SH3GL2: variants seen among roughly 807,000 people sequenced by gnomAD.
SH3GL2 encodes endophilin-A1.
A neutral mutation model predicts 46.0 loss-of-function variants in SH3GL2; 24 were observed. That is an observed-to-expected ratio of 0.52 (90% CI 0.38 to 0.73). SH3GL2 has a LOEUF of 0.73. SH3GL2 is among the 30% of genes least tolerant of loss of function. The pLI is 0.00. For missense variants in SH3GL2, 413 were observed against 424.2 expected, an observed-to-expected ratio of 0.97 and a Z score of 0.23; for synonymous variants, 196 against 147.1, an observed-to-expected ratio of 1.33 and a Z score of -2.40.
At chr9:17,609,530 A>G (rs1180970190) in intron 1 of SH3GL2, among the ~76,000 whole-genome samples, 1 of 152,138 alleles carries the variant, frequency 6.6e-6, no homozygotes, top group Non-Finnish European at 1.5e-5. Context: ...CTGCAGCTGT[A>G]GCCAGTGAGA....
At chr9:17,715,406 T>C (rs545908579) in intron 1 of SH3GL2, among the ~76,000 whole-genome samples, 1 of 151,920 alleles carries the variant, frequency 6.6e-6, no homozygotes, top group South Asian at 2.1e-4. Context: ...AAATTTTTTT[T>C]GTCTCTCTCC....
At position 17,795,574 on chromosome 9, in the gene SH3GL2, C is replaced by T; in HGVS notation, c.890C>T (p.Ala297Val). The T allele has an allele frequency of 1.2e-6, 2 of 1,614,008 alleles. No individual in the cohort carries two copies. Among genetic ancestry groups the T allele is most frequent in the Non-Finnish European group, 8.5e-7 (1 of 1,179,918 alleles). Residue 297 changes from alanine to valine, a missense_variant, in exon 9 of 9, where the codon GCT (alanine) becomes GTT (valine). Coordinates refer to ENST00000380607, the MANE Select transcript of SH3GL2 (RefSeq NM_003026.5). ...GVQMDQPCCR[A>V]LYDFEPENEG... Reference sequence around the variant, plus strand: ...CAAATGGATCAGCCCTGCTGCCGAGCTCTGTACGACTTTGAACCTGAAAAT... The same window carrying T: ...CAAATGGATCAGCCCTGCTGCCGAGTTCTGTACGACTTTGAACCTGAAAAT...
chr9:17,775,806 T>C (rs773654280), intron 3 of SH3GL2, among the ~76,000 whole-genome samples: 3 of 152,134 alleles, frequency 2.0e-5, no homozygotes, highest in Non-Finnish European at 2.9e-5. Flanking sequence ...AACATAAAGA[T>C]GTGACTTGGA....
chr9:17,596,355 A>G (rs1379661334), intron 1 of SH3GL2, among the ~76,000 whole-genome samples: 1 of 150,966 alleles, frequency 6.6e-6, no homozygotes, highest in African/African-American at 2.4e-5. Context: ...TTTTTTTTTC[A>G]GTTCCCTAAG....
At chr9:17,658,639 C>T (rs1052238215) in intron 1 of SH3GL2, among the ~76,000 whole-genome samples, 7 of 152,228 alleles carry the variant, frequency 4.6e-5, no homozygotes, top group Non-Finnish European at 1.0e-4. Context: ...TATTCGAGGG[C>T]AGCTTTAAGC....
intron 1 of SH3GL2, among the ~76,000 whole-genome samples, chr9:17,709,142 C>T (rs898419199): frequency 1.3e-5 from 2 of 151,994 alleles, no homozygotes; most frequent in African/African-American, 4.8e-5. Flanking sequence ...CTATGATTCT[C>T]TAGATTCTGC....
intron 1 of SH3GL2, among the ~76,000 whole-genome samples, chr9:17,696,697 C>A (rs749455879): frequency 8.5e-5 from 13 of 152,162 alleles, no homozygotes; most frequent in Non-Finnish European, 1.5e-4. Flanking sequence ...ATTCCATTAC[C>A]TCCTACTGGG....
chr9:17,673,303 C>A (rs1820520335), intron 1 of SH3GL2, among the ~76,000 whole-genome samples: 1 of 148,882 alleles, frequency 6.7e-6, no homozygotes, highest in South Asian at 2.1e-4. Context: ...CACGCACCAC[C>A]ATGCCTAGTT....
At chr9:17,753,073 G>T (rs921059441) in intron 2 of SH3GL2, among the ~76,000 whole-genome samples, 5 of 152,128 alleles carry the variant, frequency 3.3e-5, no homozygotes, top group African/African-American at 4.8e-5. Flanking sequence ...ATTCCATGGT[G>T]TATACGTAGC....
intron 1 of SH3GL2, among the ~76,000 whole-genome samples, chr9:17,687,459 A>G (rs994138860): frequency 7.4e-6 from 1 of 134,888 alleles, no homozygotes; most frequent in Middle Eastern, 3.7e-3. Context: ...TTGACTCTGT[A>G]ACAGGGTACA....
intron 1 of SH3GL2, among the ~76,000 whole-genome samples, chr9:17,659,731 T>G (rs190831649): frequency 6.6e-6 from 1 of 152,292 alleles, no homozygotes; most frequent in East Asian, 1.9e-4. Flanking sequence ...AAGTTGAAAT[T>G]GGTTCACTTT....
At chr9:17,696,521 A>G (rs1277771636) in intron 1 of SH3GL2, among the ~76,000 whole-genome samples, 3 of 152,146 alleles carry the variant, frequency 2.0e-5, no homozygotes, top group Non-Finnish European at 4.4e-5. Flanking sequence ...GGTCTCAGGA[A>G]ACTTACAGGC....
chr9:17,745,126 C>T (rs150091703), intron 1 of SH3GL2, among the ~76,000 whole-genome samples: 12 of 152,246 alleles, frequency 7.9e-5, no homozygotes, highest in South Asian at 2.1e-4. Flanking sequence ...TTCTCATCTT[C>T]AATGTAGTAA....
intron 1 of SH3GL2, among the ~76,000 whole-genome samples, chr9:17,697,572 A>G (rs1241203972): frequency 1.3e-5 from 2 of 152,126 alleles, no homozygotes; most frequent in Admixed American, 6.5e-5. Context: ...AGTCCCACTC[A>G]TGTGTTCAAA....
intron 1 of SH3GL2, among the ~76,000 whole-genome samples, chr9:17,709,540 G>C (rs2118258939): frequency 6.6e-6 from 1 of 151,970 alleles, no homozygotes; most frequent in African/African-American, 2.4e-5. Context: ...GTGCCTAGTA[G>C]AGCATCCTAA....
At chr9:17,628,442 GTGTGTGTGTGTA>G (rs1554631869) in intron 1 of SH3GL2, among the ~76,000 whole-genome samples, 1 of 135,420 alleles carries the variant, frequency 7.4e-6, no homozygotes, top group Non-Finnish European at 1.6e-5. Context: ...GTGTGTGTGT[GTGTGTGTGTGTA>G]TGTGCATGCA....
intron 2 of SH3GL2, among the ~76,000 whole-genome samples, chr9:17,754,021 C>G (rs1007022359): frequency 6.6e-6 from 1 of 152,082 alleles, no homozygotes; most frequent in Non-Finnish European, 1.5e-5. Flanking sequence ...GATCTCTATT[C>G]TATTCTGTTG....
chr9:17,667,041 T>C (rs1043748832), intron 1 of SH3GL2, among the ~76,000 whole-genome samples: 1 of 152,326 alleles, frequency 6.6e-6, no homozygotes, highest in Admixed American at 6.5e-5. Flanking sequence ...ATACAATTTT[T>C]AGATCTTCAT....
chr9:17,732,297 G>A (rs1822207810), intron 1 of SH3GL2, among the ~76,000 whole-genome samples: 1 of 152,066 alleles, frequency 6.6e-6, no homozygotes, highest in South Asian at 2.1e-4. Flanking sequence ...ATATCTGGTG[G>A]GAAAGAGGAA....
Sources: gnomAD v4.1 joint callset for allele counts (sites outside exome capture counted in the v4.1 genomes callset) on GRCh38, gnomAD v4.1.1 for gene constraint, MANE v1.5 for transcripts, NCBI Gene and HGNC (gene_info 2026-07-23, HGNC 2026-07-21) for gene names.